Variants in LRBA observed in about 807,000 individuals in gnomAD.
LRBA encodes lipopolysaccharide-responsive and beige-like anchor protein.
A neutral mutation model predicts 330.0 loss-of-function variants in LRBA; 176 were observed. The observed-to-expected ratio is 0.53, with a 90% CI of 0.47 to 0.60. LRBA has a LOEUF of 0.60. Among genes scored for constraint, LRBA ranks in the 20% least tolerant of loss-of-function variants. The pLI is 0.00. For missense variants in LRBA, 3,259 were observed against 3,444.8 expected (o/e 0.95, Z 1.35); for synonymous variants, 1,230 against 1,193.0 (o/e 1.03, Z -0.64).
intron 2 of LRBA, among the ~76,000 whole-genome samples, chr4:150,994,765 T>C (rs1270512964): frequency 6.6e-6 from 1 of 152,206 alleles, no homozygotes; most frequent in South Asian, 2.1e-4. Flanking sequence ...GGCAATATGG[T>C]AGACTAGATG....
chr4:150,517,087 T>G lies in LRBA; in HGVS notation c.6331-26052A>C, dbSNP rs1343638353. Among the ~76,000 whole-genome samples, 3 of 152,258 alleles carry G rather than the reference T, an allele frequency of 2.0e-5. No individual in the cohort carries two copies. In the South Asian group the frequency reaches 6.2e-4, roughly 32 times the overall value. On this transcript the variant is annotated intron_variant, in intron 40 of 56. Transcript: ENST00000651943. Reference sequence around the variant, plus strand: ...TATCCACAATCAATATATTATGGAGTGAGATAAACAAACATACCAAGTTGT... The same window carrying G: ...TATCCACAATCAATATATTATGGAGGGAGATAAACAAACATACCAAGTTGT...
At chr4:150,612,735 G>A (rs1775396847) in intron 37 of LRBA, among the ~76,000 whole-genome samples, 1 of 152,008 alleles carries the variant, frequency 6.6e-6, no homozygotes, top group African/African-American at 2.4e-5. Flanking sequence ...CTCATATGAA[G>A]AAAACACAAG....
At chr4:150,325,578 C>T (rs1448851814) in intron 49 of LRBA, among the ~76,000 whole-genome samples, 5 of 152,104 alleles carry the variant, frequency 3.3e-5, no homozygotes, top group Non-Finnish European at 5.9e-5. Flanking sequence ...AATTCTGTAA[C>T]ACAAGACACC....
chr4:150,390,207 T>A (rs1205250602), intron 47 of LRBA, among the ~76,000 whole-genome samples: 1 of 152,220 alleles, frequency 6.6e-6, no homozygotes, highest in Admixed American at 6.5e-5. Flanking sequence ...GTTACAGGTC[T>A]TTGGCCTAAG....
chr4:150,720,438 A>T (rs1728784543), intron 36 of LRBA, among the ~76,000 whole-genome samples: 2 of 152,116 alleles, frequency 1.3e-5, no homozygotes, highest in Non-Finnish European at 2.9e-5. Flanking sequence ...AGTCCTAAAT[A>T]AACAAAATTA....
intron 37 of LRBA, among the ~76,000 whole-genome samples, chr4:150,649,575 C>T (rs2126762709): frequency 6.6e-6 from 1 of 152,268 alleles, no homozygotes; most frequent in South Asian, 2.1e-4. Context: ...CCTACCCTTC[C>T]TAAACTTCCA....
At chr4:150,854,138 C>G in intron 22 of LRBA, among the ~76,000 whole-genome samples, 1 of 152,076 alleles carries the variant, frequency 6.6e-6, no homozygotes. Context: ...ATGACATATA[C>G]AGAACATTCA....
At chr4:150,457,490 T>C (rs1273230244) in intron 44 of LRBA, among the ~76,000 whole-genome samples, 1 of 151,950 alleles carries the variant, frequency 6.6e-6, no homozygotes, top group African/African-American at 2.4e-5. Context: ...GAATAAAATA[T>C]ATTTATTACA....
Position 150,867,112 on chromosome 4 carries a change from T to TAA in LRBA, c.2766+557_2766+558dup, listed in dbSNP as rs202028551. Among the ~76,000 whole-genome samples the TAA allele has an allele frequency of 8.5e-3, 1,044 of 122,718 alleles. 15 individuals are homozygous for TAA. Among genetic ancestry groups the TAA allele is most frequent in the African/African-American group, 0.026 (850 of 33,328 alleles). The allele number at this position is 122,718 out of a possible 152,430, so 80.5% of individuals were successfully genotyped here. Reference sequence around the variant, plus strand: ...TAACTAAACTTACTTTGGCTTAATTTAAAAAAAAAAAAAAAAAAAAACTAC... The same window carrying TAA: ...TAACTAAACTTACTTTGGCTTAATTTAAAAAAAAAAAAAAAAAAAAAAACTAC... On this transcript the variant is annotated intron_variant, in intron 22 of 56. Transcript: ENST00000651943.
intron 37 of LRBA, among the ~76,000 whole-genome samples, chr4:150,627,150 T>C (rs1489029430): frequency 6.6e-6 from 1 of 152,118 alleles, no homozygotes; most frequent in Non-Finnish European, 1.5e-5. Context: ...ACAAGTCATT[T>C]TGGGCTGCTC....
At chr4:150,498,426 G>C (rs542235407) in intron 40 of LRBA, among the ~76,000 whole-genome samples, 36 of 152,126 alleles carry the variant, frequency 2.4e-4, no homozygotes, top group African/African-American at 8.7e-4. Flanking sequence ...GAACAAAGAA[G>C]GTATTTATTT....
At chr4:150,348,824 G>GT (rs1317850091) in intron 48 of LRBA, among the ~76,000 whole-genome samples, 2 of 152,136 alleles carry the variant, frequency 1.3e-5, no homozygotes, top group Non-Finnish European at 2.9e-5. Flanking sequence ...ACTATGCAGT[G>GT]TTTTGTAACA....
chr4:151,009,508 C>T (rs1744552643), intron 2 of LRBA, among the ~76,000 whole-genome samples: 2 of 149,240 alleles, frequency 1.3e-5, no homozygotes, highest in South Asian at 4.2e-4. Flanking sequence ...AAGATCGCGC[C>T]ACTGCACTCC....
intron 47 of LRBA, among the ~76,000 whole-genome samples, chr4:150,403,090 T>G (rs559766166): frequency 1.3e-5 from 2 of 152,108 alleles, no homozygotes; most frequent in Non-Finnish European, 2.9e-5. Flanking sequence ...CTGTGCAGAG[T>G]TGCATGAAAG....
At chr4:150,339,084 G>A (rs1214993879) in intron 48 of LRBA, among the ~76,000 whole-genome samples, 2 of 151,848 alleles carry the variant, frequency 1.3e-5, no homozygotes, top group African/African-American at 2.4e-5. Flanking sequence ...AATTAACAGC[G>A]ATACACCTAA....
intron 17 of LRBA, among the ~76,000 whole-genome samples, chr4:150,889,483 C>T (rs1042792506): frequency 1.3e-5 from 2 of 152,138 alleles, no homozygotes; most frequent in Non-Finnish European, 2.9e-5. Context: ...CCAGGCCACA[C>T]AGCAGGCGGT....
chr4:150,442,179 A>C (rs2152006705), intron 44 of LRBA, among the ~76,000 whole-genome samples: 1 of 152,162 alleles, frequency 6.6e-6, no homozygotes, highest in East Asian at 1.9e-4. Context: ...CTCTTTTAAA[A>C]CCCAAAAGTC....
intron 2 of LRBA, among the ~76,000 whole-genome samples, chr4:150,999,687 A>G (rs1743109343): frequency 6.6e-6 from 1 of 151,454 alleles, no homozygotes; most frequent in East Asian, 1.9e-4. Flanking sequence ...AACAAACCCC[A>G]GAATGACAAA....
intron 37 of LRBA, among the ~76,000 whole-genome samples, chr4:150,639,068 T>C (rs573683351): frequency 7.6e-4 from 102 of 134,722 alleles, no homozygotes; most frequent in Admixed American, 5.0e-3. Context: ...ATGGATGAAA[T>C]TGGAAATCAT....
Sources: gnomAD v4.1 joint callset for allele counts (sites outside exome capture counted in the v4.1 genomes callset) on GRCh38, gnomAD v4.1.1 for gene constraint, MANE v1.5 for transcripts, NCBI Gene and HGNC (gene_info 2026-07-23, HGNC 2026-07-21) for gene names.